CCDC88C: variants seen among roughly 807,000 people sequenced by gnomAD.
CCDC88C encodes the protein protein Daple.
Under a neutral mutation model 198.8 loss-of-function variants are expected in CCDC88C, and 131 were observed. The ratio of observed to expected loss-of-function variants is 0.66; its 90% CI spans 0.57 to 0.76. CCDC88C has a LOEUF of 0.76. Among genes scored for constraint, CCDC88C ranks in the 30% least tolerant of loss-of-function variants. CCDC88C has a pLI of 0.00. For missense variants in CCDC88C, 2,553 were observed against 2,631.6 expected (o/e 0.97, Z 0.65); for synonymous variants, 1,166 against 1,114.7 (o/e 1.05, Z -0.92).
intron 3 of CCDC88C, among the ~76,000 whole-genome samples, chr14:91,393,338 C>T (rs143054246): frequency 2.0e-5 from 3 of 152,232 alleles, no homozygotes; most frequent in East Asian, 3.9e-4. Flanking sequence ...CCCCCCACCC[C>T]CTAAACCCCC....
intron 3 of CCDC88C, among the ~76,000 whole-genome samples, chr14:91,402,046 G>T (rs7158570): frequency 0.15 from 22,604 of 152,100 alleles, 1,996 homozygotes; most frequent in Admixed American, 0.21. Context: ...AGGGTGAGGC[G>T]GGAGGATTGC....
chr14:91,337,098 T>C (rs1408850042), intron 10 of CCDC88C, among the ~76,000 whole-genome samples: 2 of 152,152 alleles, frequency 1.3e-5, no homozygotes, highest in African/African-American at 4.8e-5. Context: ...TCCTAAATCC[T>C]CAGAAAAGAG....
intron 3 of CCDC88C, among the ~76,000 whole-genome samples, chr14:91,377,177 C>G (rs1369919555): frequency 6.6e-6 from 1 of 152,202 alleles, no homozygotes; most frequent in African/African-American, 2.4e-5. Flanking sequence ...GAGGGGGTGG[C>G]AGTGGCCACT....
intron 13 of CCDC88C, among the ~76,000 whole-genome samples, chr14:91,318,992 A>T (rs1004854416): frequency 1.3e-5 from 2 of 151,652 alleles, no homozygotes; most frequent in African/African-American, 4.8e-5. Flanking sequence ...GCCTCAGTAA[A>T]TGACACTGCC....
At chr14:91,347,750 T>C (rs1246901273) in intron 4 of CCDC88C, among the ~76,000 whole-genome samples, 2 of 152,178 alleles carry the variant, frequency 1.3e-5, no homozygotes, top group East Asian at 3.8e-4. Flanking sequence ...TGTAAACCAG[T>C]TCAACCCTTG....
rs1891590849 is a variant in CCDC88C, at chr14:91,307,146, C to A, written c.3087G>T (p.Gly1029=). The A allele has an allele frequency of 1.2e-6, 2 of 1,613,948 alleles. 1 individual carries two copies. Among genetic ancestry groups the A allele is most frequent in the East Asian group, 4.5e-5 (2 of 44,872 alleles). The change falls in exon 18 of 30, where the codon GGG becomes GGT. Residue 1029 remains glycine, a synonymous_variant. Coordinates refer to ENST00000389857, the MANE Select transcript of CCDC88C (RefSeq NM_001080414.4). ...HLQNSFKHPA[G]KTAASHQGKE... is the part of the protein sequence containing the mutation. ...TCCCCTGGTGACTGGCGGCTGTCTT[C>A]CCCGCAGGGTGCTTGAAAGAGTTCT... is the stretch of plus-strand genomic sequence containing the variant.
intron 3 of CCDC88C, among the ~76,000 whole-genome samples, chr14:91,398,523 G>A (rs1435505736): frequency 1.3e-5 from 2 of 152,134 alleles, no homozygotes; most frequent in East Asian, 3.9e-4. Flanking sequence ...TGGGCATGGT[G>A]GTGCACACCT....
intron 25 of CCDC88C, among the ~76,000 whole-genome samples, chr14:91,286,083 CGT>C (rs1378190729): frequency 2.0e-5 from 3 of 152,068 alleles, no homozygotes; most frequent in African/African-American, 7.3e-5. Flanking sequence ...ATTTCCTCAG[CGT>C]GTGAGGAGAA....
At chr14:91,309,021 G>A (rs574299462) in intron 16 of CCDC88C, among the ~76,000 whole-genome samples, 9 of 152,300 alleles carry the variant, frequency 5.9e-5, no homozygotes, top group African/African-American at 1.4e-4. Flanking sequence ...GAGGTCAGGC[G>A]TTCGAGACCA....
intron 3 of CCDC88C, among the ~76,000 whole-genome samples, chr14:91,367,033 A>T (rs1036226148): frequency 6.6e-6 from 1 of 152,222 alleles, no homozygotes; most frequent in African/African-American, 2.4e-5. Flanking sequence ...CACTGAAAAC[A>T]CTAGGACAGT....
At chr14:91,407,350 C>T (rs552249484) in intron 3 of CCDC88C, among the ~76,000 whole-genome samples, 112 of 152,306 alleles carry the variant, frequency 7.4e-4, no homozygotes, top group African/African-American at 2.7e-3. Flanking sequence ...AGACGGCTTC[C>T]TCATGTCAAC....
intron 5 of CCDC88C, 26 bp downstream of exon 5, chr14:91,343,573 C>T (rs747215041): frequency 5.0e-6 from 8 of 1,613,250 alleles, no homozygotes; most frequent in Non-Finnish European, 6.8e-6. Flanking sequence ...GTAGGTCCCT[C>T]TGCTGCAGCC....
At position 91,315,626 on chromosome 14, in the gene CCDC88C, G is replaced by A; in HGVS notation, c.1665+24C>T. On this transcript the variant is annotated intron_variant, in intron 14 of 29. Coordinates refer to ENST00000389857, the MANE Select transcript of CCDC88C (RefSeq NM_001080414.4). ...TCTTGCAGGCAGGGGTTCTAGGAGA[G>A]GCGTTAGTGGTGGAGGCACCTACCT... The A allele has an allele frequency of 2.5e-6, 4 of 1,613,432 alleles. No individual in the cohort carries two copies. In the South Asian group the frequency reaches 4.4e-5, roughly 18 times the overall value.
At chr14:91,374,955 C>T (rs1383630442) in intron 3 of CCDC88C, among the ~76,000 whole-genome samples, 1 of 152,208 alleles carries the variant, frequency 6.6e-6, no homozygotes, top group Non-Finnish European at 1.5e-5. Context: ...TGGTGACACT[C>T]CCTTACGGAG....
chr14:91,322,011 C>A (rs772670103), intron 12 of CCDC88C, among the ~76,000 whole-genome samples: 2 of 152,086 alleles, frequency 1.3e-5, no homozygotes, highest in Non-Finnish European at 2.9e-5. Flanking sequence ...CTGGCCCCCT[C>A]CTGCCACAAG....
chr14:91,398,200 GACAACA>G (rs1885965879), intron 3 of CCDC88C, among the ~76,000 whole-genome samples: 1 of 152,124 alleles, frequency 6.6e-6, no homozygotes, highest in African/African-American at 2.4e-5. Flanking sequence ...CATTTCTTCT[GACAACA>G]AAAAGGAGAG....
chr14:91,406,188 T>C (rs1386687703), intron 3 of CCDC88C, among the ~76,000 whole-genome samples: 2 of 152,210 alleles, frequency 1.3e-5, no homozygotes, highest in Non-Finnish European at 2.9e-5. Flanking sequence ...CAAGTCCATT[T>C]TGCCCGGCCC....
At chr14:91,304,331 C>A (rs1289740936) in intron 19 of CCDC88C, among the ~76,000 whole-genome samples, 1 of 152,082 alleles carries the variant, frequency 6.6e-6, no homozygotes, top group Non-Finnish European at 1.5e-5. Context: ...GCTTGTAATC[C>A]CAGGACTTCA....
chr14:91,372,968 G>A (rs1057268523), intron 3 of CCDC88C, among the ~76,000 whole-genome samples: 5 of 152,128 alleles, frequency 3.3e-5, no homozygotes, highest in African/African-American at 9.7e-5. Flanking sequence ...ACATGCTCCG[G>A]GGCGACACAC....
Sources: gnomAD v4.1 joint callset for allele counts (sites outside exome capture counted in the v4.1 genomes callset) on GRCh38, gnomAD v4.1.1 for gene constraint, MANE v1.5 for transcripts, NCBI Gene and HGNC (gene_info 2026-07-23, HGNC 2026-07-21) for gene names.